The following GPHN variants were observed in gnomAD, a reference collection of about 807,000 sequenced individuals.
The protein encoded by GPHN is gephyrin.
A neutral mutation model predicts 95.5 loss-of-function variants in GPHN; 17 were observed. The ratio of observed to expected loss-of-function variants is 0.18; its 90% CI spans 0.12 to 0.27. GPHN has a LOEUF of 0.27. Among genes scored for constraint, GPHN ranks in the 10% least tolerant of loss-of-function variants. The probability of loss-of-function intolerance (pLI) is 1.00; values close to 1 mark genes in which losing one functional copy is unlikely to be tolerated. For missense variants in GPHN, 660 were observed against 978.1 expected, an observed-to-expected ratio of 0.67 and a Z score of 4.34; for synonymous variants, 320 against 322.5, an observed-to-expected ratio of 0.99 and a Z score of 0.08.
chr14:66,881,409 C>G (rs1273442654), intron 5 of GPHN, among the ~76,000 whole-genome samples: 1 of 151,772 alleles, frequency 6.6e-6, no homozygotes, highest in Non-Finnish European at 1.5e-5. Flanking sequence ...CATAAAAGAA[C>G]TCTTTCTTGT....
At chr14:66,586,838 A>G (rs1177823562) in intron 1 of GPHN, among the ~76,000 whole-genome samples, 1 of 152,138 alleles carries the variant, frequency 6.6e-6, no homozygotes, top group Non-Finnish European at 1.5e-5. Flanking sequence ...GCTGAACCTC[A>G]AAGGACTAGA....
intron 8 of GPHN, among the ~76,000 whole-genome samples, chr14:66,941,808 T>C (rs528042217): frequency 6.6e-6 from 1 of 151,196 alleles, no homozygotes; most frequent in East Asian, 1.9e-4. Flanking sequence ...TTCCAAATTC[T>C]AGAGAAACCA....
chr14:66,891,225 C>T (rs1477152304), intron 5 of GPHN, among the ~76,000 whole-genome samples: 1 of 151,604 alleles, frequency 6.6e-6, no homozygotes, highest in Non-Finnish European at 1.5e-5. Context: ...ATGAATTCAG[C>T]AAAGTTGCAG....
chr14:66,702,765 A>G (rs1566840789), intron 2 of GPHN, among the ~76,000 whole-genome samples: 1 of 152,160 alleles, frequency 6.6e-6, no homozygotes, highest in East Asian at 1.9e-4. Flanking sequence ...TGATTATAAC[A>G]ACAGCAAGGA....
At chr14:67,161,045 A>C (rs2081946766) in intron 19 of GPHN, among the ~76,000 whole-genome samples, 1 of 152,094 alleles carries the variant, frequency 6.6e-6, no homozygotes, top group Non-Finnish European at 1.5e-5. Flanking sequence ...AATCCCCAAC[A>C]CTTTGGGATG....
At chr14:67,374,018 C>T in the GPHN span, among the ~76,000 whole-genome samples, 12,359 of 152,022 alleles carry the variant, frequency 0.081, 1,191 homozygotes, top group African/African-American at 0.23. Flanking sequence ...TTAGTTCTCT[C>T]CAGTAAGGTA....
At chr14:66,601,845 A>G (rs1262422088) in intron 1 of GPHN, among the ~76,000 whole-genome samples, 1 of 151,984 alleles carries the variant, frequency 6.6e-6, no homozygotes, top group Non-Finnish European at 1.5e-5. Context: ...TATACTCATC[A>G]TGTTTTTCAA....
At chr14:66,910,310 T>C (rs2065608693) in intron 5 of GPHN, among the ~76,000 whole-genome samples, 1 of 151,984 alleles carries the variant, frequency 6.6e-6, no homozygotes, top group Non-Finnish European at 1.5e-5. Flanking sequence ...AATTTTACAG[T>C]GAATACTTAA....
At chr14:67,296,384 A>C in the GPHN span, among the ~76,000 whole-genome samples, 1 of 152,020 alleles carries the variant, frequency 6.6e-6, no homozygotes, top group Non-Finnish European at 1.5e-5. Context: ...GCAGATCACG[A>C]GGTCAGGAGA....
chr14:66,548,617 G>A (rs538046830), intron 1 of GPHN, among the ~76,000 whole-genome samples: 24 of 152,270 alleles, frequency 1.6e-4, no homozygotes, highest in African/African-American at 5.3e-4. Context: ...CCTATTCCCT[G>A]AGATACAAAA....
At chr14:66,712,004 G>T (rs1282347392) in intron 2 of GPHN, among the ~76,000 whole-genome samples, 1 of 152,078 alleles carries the variant, frequency 6.6e-6, no homozygotes, top group African/African-American at 2.4e-5. Flanking sequence ...TGGACATTTG[G>T]GTTGGTTCCA....
At chr14:66,872,135 C>T (rs915856625) in intron 4 of GPHN, among the ~76,000 whole-genome samples, 9 of 152,074 alleles carry the variant, frequency 5.9e-5, no homozygotes, top group South Asian at 2.1e-4. Flanking sequence ...AATTTATATG[C>T]GTTCTAAACT....
At chr14:66,838,544 A>G (rs1266125958) in intron 4 of GPHN, among the ~76,000 whole-genome samples, 2 of 152,164 alleles carry the variant, frequency 1.3e-5, no homozygotes, top group African/African-American at 2.4e-5. Context: ...CTACTCTTGT[A>G]AAATGAAAAG....
At chr14:66,716,022 T>C (rs2070148579) in intron 2 of GPHN, among the ~76,000 whole-genome samples, 2 of 152,128 alleles carry the variant, frequency 1.3e-5, no homozygotes, top group Admixed American at 1.3e-4. Context: ...AGTCTGTTTG[T>C]TCCAAGGTAT....
At chr14:67,385,794 TC>T in the GPHN span, 2 of 151,802 alleles carry the variant, frequency 1.3e-5, no homozygotes, top group Non-Finnish European at 2.9e-5. Context: ...ATTTTTCATA[TC>T]AGTTATAGCA....
the GPHN span, among the ~76,000 whole-genome samples, chr14:67,517,906 A>G: frequency 6.6e-6 from 1 of 152,352 alleles, no homozygotes; most frequent in East Asian, 1.9e-4. Flanking sequence ...GTTTGCACCA[A>G]GAACATTTGA....
At chr14:66,720,383 G>T (rs779729217) in intron 2 of GPHN, among the ~76,000 whole-genome samples, 5 of 152,072 alleles carry the variant, frequency 3.3e-5, no homozygotes, top group Non-Finnish European at 7.4e-5. Flanking sequence ...GCGAAACCCC[G>T]TCTCTACTGA....
the GPHN span, among the ~76,000 whole-genome samples, chr14:67,255,080 C>T: frequency 6.6e-6 from 1 of 151,752 alleles, no homozygotes; most frequent in African/African-American, 2.4e-5. Flanking sequence ...ACCTGGGAGG[C>T]GGAGGTTGCA....
the GPHN span, among the ~76,000 whole-genome samples, chr14:67,329,542 C>T: frequency 6.6e-6 from 1 of 152,138 alleles, no homozygotes; most frequent in African/African-American, 2.4e-5. Context: ...GAGAGGGCAT[C>T]CCTGTCTTGC....
Sources: allele counts gnomAD v4.1 joint callset (sites outside exome capture counted in the v4.1 genomes callset), GRCh38; gene constraint gnomAD v4.1.1; transcripts MANE v1.5; gene names NCBI Gene and HGNC (gene_info 2026-07-23, HGNC 2026-07-21).